KLF17: variants seen among roughly 807,000 people sequenced by gnomAD.
The protein encoded by KLF17 is KLF transcription factor 17.
Under a neutral mutation model 34.2 loss-of-function variants are expected in KLF17, and 31 were observed. The observed-to-expected ratio is 0.91, with a 90% CI of 0.68 to 1.22. The LOEUF (loss-of-function observed/expected upper bound fraction) is 1.22. Among genes scored for constraint, KLF17 ranks in the 50% most tolerant of loss-of-function variants. The pLI is 0.00. For missense variants in KLF17, 478 were observed against 505.2 expected, an observed-to-expected ratio of 0.95 and a Z score of 0.52; for synonymous variants, 179 against 186.7, an observed-to-expected ratio of 0.96 and a Z score of 0.34.
the KLF17 span, among the ~76,000 whole-genome samples, chr1:44,079,508 G>A: frequency 0.02 from 3,044 of 151,854 alleles, 125 homozygotes; most frequent in African/African-American, 0.071. Context: ...TCACTCTGTT[G>A]CCCTGGCTGG....
the KLF17 span, among the ~76,000 whole-genome samples, chr1:44,112,660 G>C: frequency 6.6e-6 from 1 of 152,064 alleles, no homozygotes; most frequent in African/African-American, 2.4e-5. Flanking sequence ...CTCCCACCTC[G>C]GCCTTGCAAA....
At chr1:44,093,780 A>C in the KLF17 span, among the ~76,000 whole-genome samples, 1 of 152,186 alleles carries the variant, frequency 6.6e-6, no homozygotes, top group African/African-American at 2.4e-5. Context: ...TGTGGCAGCT[A>C]TGTCTCCTAA....
At chr1:44,065,069 A>G in the KLF17 span, among the ~76,000 whole-genome samples, 4 of 152,152 alleles carry the variant, frequency 2.6e-5, no homozygotes, top group Non-Finnish European at 5.9e-5. Flanking sequence ...CGGGCGGATC[A>G]CGAGGTCAGG....
chr1:44,050,791 C>T, the KLF17 span, among the ~76,000 whole-genome samples: 8 of 152,164 alleles, frequency 5.3e-5, no homozygotes, highest in African/African-American at 1.9e-4. Flanking sequence ...GTGGTGTGCA[C>T]CTGTAATCCC....
chr1:44,046,360 G>C, the KLF17 span, among the ~76,000 whole-genome samples: 2 of 151,824 alleles, frequency 1.3e-5, no homozygotes, highest in Non-Finnish European at 2.9e-5. Flanking sequence ...TGGGACTACA[G>C]GTGCATGCCA....
chr1:44,081,647 G>A, the KLF17 span, among the ~76,000 whole-genome samples: 5 of 151,762 alleles, frequency 3.3e-5, no homozygotes, highest in South Asian at 4.2e-4. Flanking sequence ...TCTTGAACTC[G>A]TGACCTCAAG....
chr1:44,087,747 TATATATATATATATATATATATACAC>T, the KLF17 span, among the ~76,000 whole-genome samples: 32 of 76,666 alleles, frequency 4.2e-4, no homozygotes, highest in African/African-American at 1.2e-3. Flanking sequence ...TATATATATA[TATATATATATATATATATATATACAC>T]ACACACACAC....
chr1:44,114,357 A>G (rs2087861489), upstream of KLF17: 1 of 152,176 alleles, frequency 6.6e-6, no homozygotes, highest in Non-Finnish European at 1.5e-5. Flanking sequence ...GGTTCGAAAC[A>G]TATCCCGACT....
At chr1:44,113,044 A>G in the KLF17 span, among the ~76,000 whole-genome samples, 2 of 152,184 alleles carry the variant, frequency 1.3e-5, no homozygotes, top group Non-Finnish European at 2.9e-5. Context: ...TCTAGCTCAT[A>G]TATGTAACTG....
the KLF17 span, among the ~76,000 whole-genome samples, chr1:44,087,773 C>T: frequency 3.0e-3 from 225 of 75,132 alleles, no homozygotes; most frequent in Middle Eastern, 7.7e-3. Flanking sequence ...TATATATACA[C>T]ACACACACAC....
intron 3 of KLF17, among the ~76,000 whole-genome samples, chr1:44,132,771 T>A (rs907246311): frequency 2.6e-5 from 4 of 152,168 alleles, no homozygotes; most frequent in African/African-American, 9.7e-5. Flanking sequence ...GCACCAGATA[T>A]TAAGTGGCCT....
upstream of KLF17, chr1:44,114,843 A>G (rs984428147): frequency 2.0e-5 from 3 of 152,200 alleles, no homozygotes; most frequent in African/African-American, 7.2e-5. Flanking sequence ...TAGATACTGA[A>G]TTTTATTTGT....
the KLF17 span, among the ~76,000 whole-genome samples, chr1:44,102,559 TACACATACACACACACACAC>T: frequency 4.6e-3 from 407 of 87,714 alleles, 7 homozygotes; most frequent in African/African-American, 0.013. Flanking sequence ...ATCACACACA[TACACATACACACACACACAC>T]ACACACACAC....
chr1:44,130,458 G>C (rs2088094261), intron 2 of KLF17, 54 bp from the exon 3 acceptor site: 1 of 1,609,004 alleles, frequency 6.2e-7, no homozygotes, highest in Non-Finnish European at 8.5e-7. Flanking sequence ...CACAGAGTTA[G>C]ACCCCTTCCT....
the KLF17 span, chr1:44,048,022 G>GTGTGTGTGTA: frequency 3.9e-5 from 6 of 152,560 alleles, no homozygotes; most frequent in Admixed American, 3.3e-4. Context: ...GTGTGTGTGT[G>GTGTGTGTGTA]TGTGTGTGTG....
chr1:44,111,060 C>T, the KLF17 span, among the ~76,000 whole-genome samples: 1 of 152,148 alleles, frequency 6.6e-6, no homozygotes, highest in Non-Finnish European at 1.5e-5. Context: ...GACCATGGCT[C>T]ACTGCAGCCT....
rs1459046159 is a variant in KLF17 at position 44,118,961 on chromosome 1, G to A, written c.54G>A (p.Arg18=). The A allele has an allele frequency of 5.0e-6, 8 of 1,611,134 alleles. No homozygotes were observed. Among genetic ancestry groups the A allele is most frequent in the Non-Finnish European group, 5.9e-6 (7 of 1,178,948 alleles). The change falls in exon 1 of 4, where the codon CGG becomes CGA. Residue 18 remains arginine, a synonymous_variant. Coordinates refer to ENST00000372299, the MANE Select transcript of KLF17 (RefSeq NM_173484.4). ...AACAGGAGGCTGGGGAGCTGAGCCG[G>A]TGGCAGGCGGCGCACCAGGCTGCCC... ...EMEQEAGELS[R]WQAAHQAAQD... is the part of the protein sequence containing the mutation.
the KLF17 span, among the ~76,000 whole-genome samples, chr1:44,101,373 A>G: frequency 6.6e-6 from 1 of 152,242 alleles, no homozygotes; most frequent in Non-Finnish European, 1.5e-5. Context: ...ATCTTGGACC[A>G]TGAGTTACCT....
chr1:44,108,138 G>A, the KLF17 span, among the ~76,000 whole-genome samples: 28 of 152,306 alleles, frequency 1.8e-4, no homozygotes, highest in Non-Finnish European at 2.5e-4. Context: ...GTCACCTGCC[G>A]TGTAGAGCTT....
Sources: gnomAD v4.1 joint callset for allele counts (sites outside exome capture counted in the v4.1 genomes callset) on GRCh38, gnomAD v4.1.1 for gene constraint, MANE v1.5 for transcripts, NCBI Gene and HGNC (gene_info 2026-07-23, HGNC 2026-07-21) for gene names.